The following RHCE variants were observed in gnomAD, a reference collection of about 807,000 sequenced individuals.
The protein encoded by RHCE is Rh blood group CcEe antigens.
In RHCE, 22 loss-of-function variants were observed where a neutral mutation model predicts 43.8. That is an observed-to-expected ratio of 0.50 (90% confidence interval 0.36 to 0.72). The LOEUF (loss-of-function observed/expected upper bound fraction) is 0.72, where lower values mean the gene tolerates loss of function less well. RHCE is among the 30% of genes least tolerant of loss of function. RHCE has a pLI of 0.00. For missense variants in RHCE, 385 were observed against 525.4 expected (o/e 0.73, Z 2.61); for synonymous variants, 156 against 210.7 (o/e 0.74, Z 2.25).
chr1:25,424,102 C>A (rs1344257939), upstream of RHCE, among the ~76,000 whole-genome samples: 3 of 152,198 alleles, frequency 2.0e-5, no homozygotes, highest in Non-Finnish European at 4.4e-5. Context: ...ATATTCAATA[C>A]TTTATCATAA....
In RHCE at chr1:25,406,365, T is replaced by G. The variant is rs906167267; in HGVS notation, c.335+2318A>C. ...CCTCACTCTGTCGCCCAGGCTACAG[T>G]GCAATGGCGCGATCTCGGCTCACTA... On this transcript the variant is annotated intron_variant, in intron 2 of 9. Coordinates refer to ENST00000294413, the MANE Select transcript of RHCE (RefSeq NM_020485.8). Among the ~76,000 whole-genome samples, 16 of 121,172 alleles carry G rather than the reference T, an allele frequency of 1.3e-4. 1 individual carries two copies. Among genetic ancestry groups the G allele is most frequent in the African/African-American group, 4.1e-4 (16 of 39,332 alleles). 79.5% of individuals were successfully genotyped at this position (121,172 alleles called of 152,430 possible).
chr1:25,411,610 G>T (rs1377160482), intron 1 of RHCE: 8 of 615,560 alleles, frequency 1.3e-5, no homozygotes, highest in Non-Finnish European at 2.1e-5. Flanking sequence ...CATTAGGAAG[G>T]ATTCAACTCT....
chr1:25,385,404 A>C (rs1273139750), intron 7 of RHCE: 1 of 436,274 alleles, frequency 2.3e-6, no homozygotes, highest in Non-Finnish European at 4.3e-6. Context: ...CACGACCTGA[A>C]CCACAGTCTC....
chr1:25,379,470 TA>T (rs1557604836), intron 7 of RHCE, among the ~76,000 whole-genome samples: 10 of 6,476 alleles, frequency 1.5e-3, no homozygotes, highest in African/African-American at 7.8e-3. Context: ...TATATATATA[TA>T]TATATATATA....
At chr1:25,381,194 T>C (rs1020228688) in intron 7 of RHCE, among the ~76,000 whole-genome samples, 1 of 152,196 alleles carries the variant, frequency 6.6e-6, no homozygotes, top group African/African-American at 2.4e-5. Flanking sequence ...CATAAATGAC[T>C]CTGGCACAGA....
intron 5 of RHCE, among the ~76,000 whole-genome samples, chr1:25,389,773 C>T (rs2375327): frequency 6.6e-6 from 1 of 152,100 alleles, no homozygotes; most frequent in Non-Finnish European, 1.5e-5. Flanking sequence ...GGTCCCAGTT[C>T]CAATAAGCTG....
upstream of RHCE, among the ~76,000 whole-genome samples, chr1:25,423,962 G>A (rs2042786396): frequency 6.6e-6 from 1 of 152,176 alleles, no homozygotes; most frequent in Non-Finnish European, 1.5e-5. Flanking sequence ...ACGTACGGTG[G>A]TTTGACTTAA....
chr1:25,428,795 T>C (rs528028003), intron 2 of RHCE, among the ~76,000 whole-genome samples: 1 of 152,300 alleles, frequency 6.6e-6, no homozygotes, highest in South Asian at 2.1e-4. Context: ...AGATTTGATC[T>C]CCAAGAAGCT....
At chr1:25,405,382 G>C (rs1646883961) in intron 2 of RHCE, among the ~76,000 whole-genome samples, 1 of 152,216 alleles carries the variant, frequency 6.6e-6, no homozygotes, top group African/African-American at 2.4e-5. Flanking sequence ...GCCGGGCACA[G>C]TGGCTCACGC....
chr1:25,386,026 G>C (rs1646146722), intron 6 of RHCE, among the ~76,000 whole-genome samples, 182 bp from the exon 7 acceptor site: 1 of 152,174 alleles, frequency 6.6e-6, no homozygotes, highest in South Asian at 2.1e-4. Context: ...TTGAAATGAA[G>C]AGCTGGCTTT....
At chr1:25,417,476 G>A (rs1347401282) in intron 1 of RHCE, among the ~76,000 whole-genome samples, 1 of 152,122 alleles carries the variant, frequency 6.6e-6, no homozygotes, top group Non-Finnish European at 1.5e-5. Context: ...ACTTCTCCTT[G>A]TACAAGCTGT....
chr1:25,392,211 T>C, intron 3 of RHCE, 70 bp from the exon 4 acceptor site: 4 of 1,612,198 alleles, frequency 2.5e-6, no homozygotes, highest in East Asian at 2.2e-5. Flanking sequence ...TGATGGTCCT[T>C]GGAGAAAGTT....
chr1:25,410,061 T>G (rs1424304562), intron 1 of RHCE, among the ~76,000 whole-genome samples: 1 of 151,790 alleles, frequency 6.6e-6, no homozygotes, highest in Non-Finnish European at 1.5e-5. Flanking sequence ...CGTGCCCGGC[T>G]AATTTTTGTA....
At chr1:25,368,674 G>T (rs1455688205) in intron 9 of RHCE, among the ~76,000 whole-genome samples, 1 of 149,708 alleles carries the variant, frequency 6.7e-6, no homozygotes, top group African/African-American at 2.5e-5. Context: ...TCTCTAGGTC[G>T]CCGGCTAATA....
At chr1:25,386,173 G>A (rs1646152701) in intron 6 of RHCE, among the ~76,000 whole-genome samples, 1 of 152,176 alleles carries the variant, frequency 6.6e-6, no homozygotes, top group Admixed American at 6.5e-5. Context: ...ATAATTCCTT[G>A]TGATGGGGGC....
chr1:25,420,598 T>A lies in RHCE; in HGVS notation c.148+41A>T, dbSNP rs373773568. ...CATAGGCCTCCCCCGCCCCTGCCCC[T>A]GCTATTTGCTCCTGTGACCACTGTT... On this transcript the variant is annotated intron_variant, in intron 1 of 9. Transcript: ENST00000294413. The A allele has an allele frequency of 3.7e-5, 59 of 1,613,820 alleles. 1 individual carries two copies. The South Asian group carries it at 6.5e-4, about 18-fold the overall frequency.
intron 6 of RHCE, among the ~76,000 whole-genome samples, chr1:25,386,841 A>AC (rs112880124): frequency 0.029 from 3,520 of 123,426 alleles, 101 homozygotes; most frequent in African/African-American, 0.1. Flanking sequence ...AACAACAACA[A>AC]AACACACACA....
At chr1:25,388,741 T>G (rs556738464) in intron 6 of RHCE, among the ~76,000 whole-genome samples, 17 of 152,302 alleles carry the variant, frequency 1.1e-4, no homozygotes, top group Admixed American at 1.0e-3. Context: ...TGTAGCCTGG[T>G]AACAAATTCT....
rs1173045230 is a variant in RHCE at position 25,390,917 on chromosome 1, T to C, written c.635-2A>G. 1.2e-6 allele frequency: 2 copies of C among 1,614,086 alleles called. No individual in the cohort carries two copies. ...AGAACATCCACAAGAAGAGGGCGCC[T>C]GGGGGCCAGAGAGGGTGGTTGGCCA... is the stretch of plus-strand genomic sequence containing the variant. On this transcript the variant is annotated splice_acceptor_variant, in intron 4 of 9. Transcript: ENST00000294413. LOFTEE classifies it high-confidence loss of function.
Sources: gnomAD v4.1 joint callset for allele counts (sites outside exome capture counted in the v4.1 genomes callset) on GRCh38, gnomAD v4.1.1 for gene constraint, MANE v1.5 for transcripts, NCBI Gene and HGNC (gene_info 2026-07-23, HGNC 2026-07-21) for gene names.